Variants in LILRA2 observed in about 807,000 individuals in gnomAD.
The protein encoded by LILRA2 is leukocyte immunoglobulin like receptor A2.
LILRA2 carries 45 observed loss-of-function variants against 47.9 expected under a neutral mutation model. That is an observed-to-expected ratio of 0.94 (90% CI 0.74 to 1.20). The LOEUF is 1.20. Ranked by LOEUF, LILRA2 falls within the 50% of genes most tolerant of loss-of-function variation. The probability of loss-of-function intolerance (pLI) is 0.00; values close to 1 mark genes in which losing one functional copy is unlikely to be tolerated. For synonymous variants in LILRA2, 279 were observed against 249.2 expected, an observed-to-expected ratio of 1.12 and a Z score of -1.13; for missense variants, 651 against 598.2, an observed-to-expected ratio of 1.09 and a Z score of -0.92.
intron 6 of LILRA2, 148 bp downstream of exon 6, chr19:54,576,257 A>AGGGGT: frequency 1.2e-6 from 1 of 827,038 alleles, no homozygotes; most frequent in Non-Finnish European, 1.8e-6. Flanking sequence ...GGAAATAGGC[A>AGGGGT]GGGACCTCCC....
intron 6 of LILRA2, among the ~76,000 whole-genome samples, chr19:54,584,076 CT>C (rs2062724123): frequency 1.3e-5 from 2 of 152,158 alleles, no homozygotes; most frequent in Non-Finnish European, 2.9e-5. Flanking sequence ...AAATTATTTT[CT>C]TTAAGAATGT....
At chr19:54,584,298 C>T (rs2062732071) in intron 6 of LILRA2, among the ~76,000 whole-genome samples, 1 of 152,086 alleles carries the variant, frequency 6.6e-6, no homozygotes, top group Non-Finnish European at 1.5e-5. Context: ...CTCTGTATTT[C>T]CTGAATTTGA....
In LILRA2 at chr19:54,575,942, C is replaced by T. The variant is rs777062864; in HGVS notation, c.1088C>T (p.Pro363Leu). ...CTGACCAAGGAGGGGGCAGGCCATC[C>T]CCCACTGCATCTGAGATCAGAGCAC... ...FLLTKEGAGH[P>L]PLHLRSEHQA... Residue 363 changes from proline to leucine, a missense_variant, in exon 6 of 8, where the codon CCC becomes CTC. Transcript: ENST00000391738. 3 of 1,613,946 alleles carry T rather than the reference C, an allele frequency of 1.9e-6. No individual in the cohort carries two copies. The highest frequency in any genetic ancestry group is 1.7e-5 in the Admixed American group (1 of 60,004).
At chr19:54,579,593 C>T (rs2062580616) in intron 6 of LILRA2, among the ~76,000 whole-genome samples, 1 of 151,804 alleles carries the variant, frequency 6.6e-6, no homozygotes, top group African/African-American at 2.4e-5. Context: ...GCAATGCGGG[C>T]TTTTTTTTGG....
At chr19:54,576,602 C>T (rs898872541) in intron 6 of LILRA2, among the ~76,000 whole-genome samples, 47 of 151,976 alleles carry the variant, frequency 3.1e-4, no homozygotes, top group African/African-American at 1.1e-3. Flanking sequence ...GCGTGGCTTC[C>T]TGGGGCTTCA....
At chr19:54,573,560 G>A (rs1310004527), upstream of LILRA2, 2 of 761,742 alleles carry the variant, frequency 2.6e-6, no homozygotes, top group Non-Finnish European at 2.2e-6. Context: ...ACGCAGGAGG[G>A]CACCAGTTCT....
At chr19:54,579,901 C>T (rs946145190) in intron 6 of LILRA2, among the ~76,000 whole-genome samples, 7 of 152,128 alleles carry the variant, frequency 4.6e-5, no homozygotes, top group Non-Finnish European at 8.8e-5. Context: ...CATGACTTGG[C>T]TCTCTGTTTG....
In LILRA2 at chr19:54,575,553, G is replaced by T; in HGVS notation, c.952+1G>T. On this transcript the variant is annotated splice_donor_variant, in intron 5 of 7. Transcript: ENST00000391738. LOFTEE classifies it high-confidence loss of function. ...GACCCCCTGGACATCCTGATCACAG[G>T]TGAGGAGCCCAGCGGGTTCAGTCAG... 6.2e-7 allele frequency: 1 copy of T among 1,611,958 alleles called. No individual in the cohort carries two copies.
At position 54,588,990 on chromosome 19, in the gene LILRA2, G is replaced by A. The variant is rs779282229; in HGVS notation, c.*1644G>A. The A allele has an allele frequency of 6.6e-6, 1 of 152,054 alleles. No homozygotes were observed. The highest frequency in any genetic ancestry group is 1.9e-4 in the East Asian group (1 of 5,162). 9.4% of individuals were successfully genotyped at this position (152,054 alleles called of 1,614,324 possible). On this transcript the variant is annotated 3_prime_UTR_variant, in exon 8 of 8. Transcript: ENST00000391738. Reference sequence around the variant, plus strand: ...TGATGGAAGAATTCTTAAATGACTCGTTCTACTTTCTGCTGGTCCAGGCAC... The same window carrying A: ...TGATGGAAGAATTCTTAAATGACTCATTCTACTTTCTGCTGGTCCAGGCAC...
chr19:54,585,921 AAAG>A (rs1028039083), intron 6 of LILRA2, among the ~76,000 whole-genome samples: 2 of 152,130 alleles, frequency 1.3e-5, no homozygotes, highest in South Asian at 2.1e-4. Flanking sequence ...TATTTTTTTT[AAAG>A]AAGGATAGGT....
At chr19:54,582,567 G>T (rs1260853400) in intron 6 of LILRA2, among the ~76,000 whole-genome samples, 2 of 152,140 alleles carry the variant, frequency 1.3e-5, no homozygotes, top group African/African-American at 2.4e-5. Flanking sequence ...TTGTGTAGAG[G>T]TGTTTACAGT....
chr19:54,577,398 G>T, intron 6 of LILRA2: 1 of 1,173,212 alleles, frequency 8.5e-7, no homozygotes, highest in Non-Finnish European at 1.1e-6. Context: ...AGGAGGAAGA[G>T]AGGCAGGTGA....
rs771997263 is a variant in LILRA2, at chr19:54,574,861, A to T, written c.483A>T (p.Glu161Asp). The T allele has an allele frequency of 1.9e-6, 3 of 1,614,180 alleles. No homozygotes were observed. The African/African-American group carries it at 4.0e-5, about 22-fold the overall frequency. Residue 161 changes from glutamate to aspartate, a missense_variant, in exon 4 of 8, where the codon GAA (glutamate) becomes GAT (aspartate). Coordinates refer to ENST00000391738, the MANE Select transcript of LILRA2 (RefSeq NM_001130917.3). ...GFILCKEGED[E>D]HPQRLNSHSH... Reference sequence around the variant, plus strand: ...TTCTGTGTAAGGAAGGAGAAGATGAACACCCACAACGCCTGAACTCCCATT... The same window carrying T: ...TTCTGTGTAAGGAAGGAGAAGATGATCACCCACAACGCCTGAACTCCCATT...
intron 6 of LILRA2, among the ~76,000 whole-genome samples, chr19:54,581,910 T>C (rs111785074): frequency 5.3e-5 from 8 of 152,354 alleles, no homozygotes; most frequent in African/African-American, 1.9e-4. Context: ...TGGCTGTGGG[T>C]TTGCTATAAA....
In LILRA2 at chr19:54,587,528, C is replaced by A. The variant is rs535084338; in HGVS notation, c.*182C>A. 13 of 1,041,044 alleles carry A rather than the reference C, an allele frequency of 1.2e-5. No individual in the cohort carries two copies. Among genetic ancestry groups the A allele is most frequent in the South Asian group, 3.5e-5 (2 of 57,312 alleles). 64.5% of individuals were successfully genotyped at this position (1,041,044 alleles called of 1,614,324 possible). The stretch of plus-strand genomic sequence containing the variant: ...CTGTCTGGGGTGATTCCTAGAAGAT[C>A]ATTAAACTGTGGTACATTTTTTTGT... On this transcript the variant is annotated 3_prime_UTR_variant, in exon 8 of 8. Transcript: ENST00000391738.
In LILRA2 at chr19:54,574,591, A is replaced by G; in HGVS notation, c.352+9A>G. 3 of 1,613,562 alleles carry G rather than the reference A, an allele frequency of 1.9e-6. No homozygotes were observed. The highest frequency in any genetic ancestry group is 2.5e-6 in the Non-Finnish European group (3 of 1,179,604). On this transcript the variant is annotated intron_variant, in intron 3 of 7. Transcript: ENST00000391738. Reference sequence around the variant, plus strand: ...GGAGCTGGTGGTGACAGGTGAGAGGACACTCAGGAGTCCCAGCCCCAGGCT... The same window carrying G: ...GGAGCTGGTGGTGACAGGTGAGAGGGCACTCAGGAGTCCCAGCCCCAGGCT...
rs547294996 is a variant in LILRA2 at position 54,582,200 on chromosome 19, C to T, written c.1256-4810C>T. The stretch of plus-strand genomic sequence containing the variant: ...GCCAGTATTTTATTGAGGAGTTTTG[C>T]ATCAATGTTCATCAGGGATATTGAC... On this transcript the variant is annotated intron_variant, in intron 6 of 7. Coordinates refer to ENST00000391738, the MANE Select transcript of LILRA2 (RefSeq NM_001130917.3). Among the ~76,000 whole-genome samples the T allele has an allele frequency of 7.0e-4, 107 of 152,280 alleles. 1 individual carries two copies. Among genetic ancestry groups the T allele is most frequent in the Admixed American group, 2.9e-3 (45 of 15,298 alleles).
In LILRA2 at chr19:54,587,543, CA is replaced by C. The variant is rs2062852027; in HGVS notation, c.*198del. ...CCTAGAAGATCATTAAACTGTGGTACATTTTTTTGTCTATGAATGTTGACTT... is the reference window on the plus strand; with the variant it reads ...CCTAGAAGATCATTAAACTGTGGTACTTTTTTTGTCTATGAATGTTGACTT... On this transcript the variant is annotated 3_prime_UTR_variant, in exon 8 of 8. Transcript: ENST00000391738. The C allele has an allele frequency of 2.0e-6, 2 of 976,082 alleles. No individual in the cohort carries two copies. The highest frequency in any genetic ancestry group is 2.9e-6 in the Non-Finnish European group (2 of 683,326). 60.5% of individuals were successfully genotyped at this position (976,082 alleles called of 1,614,324 possible).
chr19:54,573,493 T>TG, upstream of LILRA2: 1 of 1,000,968 alleles, frequency 1.0e-6, no homozygotes, highest in Non-Finnish European at 1.6e-6. Context: ...GGAGACCCCA[T>TG]GGGGAAGCTC....
Sources: gnomAD v4.1 joint callset for allele counts (sites outside exome capture counted in the v4.1 genomes callset) on GRCh38, gnomAD v4.1.1 for gene constraint, MANE v1.5 for transcripts, NCBI Gene and HGNC (gene_info 2026-07-23, HGNC 2026-07-21) for gene names.